SPATA20: variants seen among roughly 807,000 people sequenced by gnomAD.
SPATA20 encodes the protein spermatogenesis associated 20.
In SPATA20, 74 loss-of-function variants were observed where a neutral mutation model predicts 98.9. That is an observed-to-expected ratio of 0.75 (90% CI 0.62 to 0.91). SPATA20 has a LOEUF of 0.91. Among genes scored for constraint, SPATA20 ranks in the 40% least tolerant of loss-of-function variants. The pLI is 0.00. For missense variants in SPATA20, 1,016 were observed against 1,069.8 expected, an observed-to-expected ratio of 0.95 and a Z score of 0.70; for synonymous variants, 430 against 440.5, an observed-to-expected ratio of 0.98 and a Z score of 0.30.
chr17:50,555,115 C>A, intron 15 of SPATA20, 117 bp from the exon 16 acceptor site: 1 of 764,746 alleles, frequency 1.3e-6, no homozygotes, highest in Non-Finnish European at 2.2e-6. Context: ...TGAGATGAGT[C>A]CCTGTTCCTT....
rs2035008282 is a variant in SPATA20, at chr17:50,551,162, G to T, written c.1548G>T (p.Leu516=). The T allele has an allele frequency of 6.2e-7, 1 of 1,610,176 alleles. No homozygotes were observed. The highest frequency in any genetic ancestry group is 8.5e-7 in the Non-Finnish European group (1 of 1,179,152). The stretch of plus-strand genomic sequence containing the variant: ...GGAAGCATCGGCCCAAGCCGCACCT[G>T]GACAGCAAGATGCTGGCTGCCTGGA... ...QARKHRPKPH[L]DSKMLAAWNG... Residue 516 remains leucine (L), a synonymous_variant, in exon 12 of 17, where the codon CTG becomes CTT. Transcript: ENST00000006658.
intron 13 of SPATA20, 113 bp downstream of exon 13, chr17:50,551,792 CT>C: frequency 7.5e-7 from 1 of 1,327,336 alleles, no homozygotes; most frequent in Non-Finnish European, 1.0e-6. Context: ...CAGGTGCTTG[CT>C]GTGAGTTTGT....
At position 50,551,538 on chromosome 17, in the gene SPATA20, C is replaced by T. The variant is rs779437990; in HGVS notation, c.1604C>T (p.Thr535Ile). 1.9e-6 allele frequency: 3 copies of T among 1,598,814 alleles called. No individual in the cohort carries two copies. The highest frequency in any genetic ancestry group is 1.7e-6 in the Non-Finnish European group (2 of 1,167,272). ...TTGATGGTGTCAGGCTATGCTGTGA[C>T]TGGGGCTGTCCTGGGCCAAGACAGG... Reference protein sequence around the residue: ...NGLMVSGYAVTGAVLGQDRLI... With the variant: ...NGLMVSGYAVIGAVLGQDRLI... The change falls in exon 13 of 17, where the codon ACT becomes ATT. Residue 535 changes from threonine (T) to isoleucine (I), a missense_variant. Physicochemically the swap from Thr to Ile is moderately conservative, Grantham distance 89. Transcript: ENST00000006658.
intron 8 of SPATA20, 29 bp downstream of exon 8, chr17:50,550,144 G>T (rs1165464042): frequency 5.0e-6 from 8 of 1,612,532 alleles, no homozygotes; most frequent in Non-Finnish European, 6.8e-6. Flanking sequence ...TCCCTGGAGG[G>T]GCAGCAGGGG....
At position 50,555,548 on chromosome 17, in the gene SPATA20, C is replaced by T. The variant is rs2035105547; in HGVS notation, c.2295C>T (p.Phe765=). 8.1e-6 allele frequency: 13 copies of T among 1,614,104 alleles called. No homozygotes were observed. Among genetic ancestry groups the T allele is most frequent in the Non-Finnish European group, 1.1e-5 (13 of 1,180,004 alleles). ...GCTTCCTGTCCCGCCAGCTGCCTTT[C>T]CTGAGTACCCTCCGACGGTTGGAAG... ...PSSFLSRQLP[F]LSTLRRLEDQ... Residue 765 remains phenylalanine, a synonymous_variant, in exon 17 of 17, where the codon TTC becomes TTT. Transcript: ENST00000006658.
At chr17:50,550,639 G>A (rs1377224649) in intron 10 of SPATA20, 29 bp downstream of exon 10, 1 of 1,613,680 alleles carries the variant, frequency 6.2e-7, no homozygotes, top group East Asian at 2.2e-5. Context: ...AGGCAGGCCT[G>A]GCTGTGGGAG....
At chr17:50,548,668 T>C (rs775375011) in intron 4 of SPATA20, 50 bp downstream of exon 4, 62 of 1,601,432 alleles carry the variant, frequency 3.9e-5, no homozygotes, top group Non-Finnish European at 4.9e-5. Flanking sequence ...GGAGTGGCAG[T>C]GGATGGGGGA....
intron 12 of SPATA20, 73 bp downstream of exon 12, chr17:50,551,263 G>A (rs888311931): frequency 1.7e-5 from 24 of 1,393,962 alleles, no homozygotes; most frequent in African/African-American, 1.6e-4. Flanking sequence ...TTCCGGCAGC[G>A]GCTAAATGCT....
intron 7 of SPATA20, 65 bp from the exon 8 acceptor site, chr17:50,549,920 G>T: frequency 6.6e-7 from 1 of 1,508,638 alleles, no homozygotes; most frequent in South Asian, 1.3e-5. Flanking sequence ...AAGGCCTCCT[G>T]ACCACCCCGA....
intron 2 of SPATA20, 200 bp downstream of exon 2, chr17:50,547,967 G>A (rs2034941556): frequency 1.3e-6 from 2 of 1,491,170 alleles, no homozygotes; most frequent in East Asian, 4.9e-5. Context: ...CTGGGGAGGG[G>A]TAAGAATGGA....
At chr17:50,553,069 A>G (rs573777042) in intron 14 of SPATA20, among the ~76,000 whole-genome samples, 1 of 152,342 alleles carries the variant, frequency 6.6e-6, no homozygotes, top group Admixed American at 6.5e-5. Flanking sequence ...ACACATGCAC[A>G]AATGTGCAGT....
At chr17:50,548,120 G>A (rs747404968) in intron 2 of SPATA20, 163 bp from the exon 3 acceptor site, 4 of 1,501,496 alleles carry the variant, frequency 2.7e-6, no homozygotes, top group Middle Eastern at 1.7e-4. Flanking sequence ...AAAAACATAA[G>A]GGGGAGCACA....
chr17:50,547,854 C>T, intron 2 of SPATA20, 87 bp downstream of exon 2: 1 of 1,009,056 alleles, frequency 9.9e-7, no homozygotes, highest in Non-Finnish European at 1.6e-6. Flanking sequence ...TGATCTTGGC[C>T]TGTCCAGCCA....
At chr17:50,547,554 G>A (rs964476654) in intron 1 of SPATA20, 166 bp from the exon 2 acceptor site, 8 of 698,708 alleles carry the variant, frequency 1.1e-5, no homozygotes, top group Non-Finnish European at 2.1e-5. Flanking sequence ...ACTGCTTCCA[G>A]GAAGCCTTCC....
At chr17:50,551,920 C>T in intron 13 of SPATA20, 49 bp from the exon 14 acceptor site, 2 of 1,498,754 alleles carry the variant, frequency 1.3e-6, no homozygotes, top group Non-Finnish European at 1.8e-6. Context: ...GGGAAAGGCC[C>T]TCTCTCCTGG....
In SPATA20 at chr17:50,552,112, C is replaced by T. The variant is rs375224210; in HGVS notation, c.1889C>T (p.Ser630Phe). The change falls in exon 14 of 17, where the codon TCC becomes TTC. Residue 630 changes from serine (S) to phenylalanine (F), a missense_variant. Coordinates refer to ENST00000006658, the MANE Select transcript of SPATA20 (RefSeq NM_022827.4). ...QDTQDKLFWDSQGGGYFCSEA... is the reference protein window; with the variant it reads ...QDTQDKLFWDFQGGGYFCSEA... Reference sequence around the variant, plus strand: ...ACACAGGACAAGCTCTTTTGGGACTCCCAGGGTGGCGGCTACTTCTGCAGT... The same window carrying T: ...ACACAGGACAAGCTCTTTTGGGACTTCCAGGGTGGCGGCTACTTCTGCAGT... 35 of 1,613,802 alleles carry T rather than the reference C, an allele frequency of 2.2e-5. No individual in the cohort carries two copies. The African/African-American group carries it at 4.4e-4, about 20-fold the overall frequency.
intron 2 of SPATA20, 104 bp from the exon 3 acceptor site, chr17:50,548,179 C>T: frequency 6.6e-7 from 1 of 1,506,698 alleles, no homozygotes. Flanking sequence ...GGGCTGGGAG[C>T]AGGGGTCCTA....
At position 50,555,123 on chromosome 17, in the gene SPATA20, C is replaced by G. The variant is rs532488679; in HGVS notation, c.2158-109C>G. ...TGGCAGCTGAGATGAGTCCCTGTTC[C>G]TTCTTAGAGATATACGGTGGGGCGG... is the stretch of plus-strand genomic sequence containing the variant. On this transcript the variant is annotated intron_variant, in intron 15 of 16. Coordinates refer to ENST00000006658, the MANE Select transcript of SPATA20 (RefSeq NM_022827.4). 5 of 835,716 alleles carry G rather than the reference C, an allele frequency of 6.0e-6. No individual in the cohort carries two copies. In the Admixed American group the frequency reaches 6.4e-5, roughly 11 times the overall value. The allele number at this position is 835,716 out of a possible 1,614,324, so 51.8% of individuals were successfully genotyped here.
At chr17:50,547,339 C>T in intron 1 of SPATA20, 54 bp downstream of exon 1, 1 of 1,363,500 alleles carries the variant, frequency 7.3e-7, no homozygotes, top group Non-Finnish European at 9.6e-7. Flanking sequence ...CCTGCGGGCC[C>T]AGTGGAGGGT....
Sources: allele counts gnomAD v4.1 joint callset (sites outside exome capture counted in the v4.1 genomes callset), GRCh38; gene constraint gnomAD v4.1.1; transcripts MANE v1.5; gene names NCBI Gene and HGNC (gene_info 2026-07-23, HGNC 2026-07-21).